CDH13: variants seen among roughly 807,000 people sequenced by gnomAD.
CDH13 encodes cadherin-13.
Under a neutral mutation model 63.8 loss-of-function variants are expected in CDH13, and 24 were observed. The observed-to-expected ratio is 0.38, with a 90% confidence interval of 0.27 to 0.53. CDH13 has a LOEUF of 0.53. CDH13 is among the 20% of genes least tolerant of loss of function. The probability of loss-of-function intolerance (pLI) is 0.85; values close to 1 mark genes in which losing one functional copy is unlikely to be tolerated. For synonymous variants in CDH13, 503 were observed against 355.3 expected, an observed-to-expected ratio of 1.42 and a Z score of -4.67; for missense variants, 1,049 against 903.1, an observed-to-expected ratio of 1.16 and a Z score of -2.07.
rs116709407 is a variant in CDH13 at position 82,636,436 on chromosome 16, G to A, written c.45+9299G>A. Among the ~76,000 whole-genome samples the A allele has an allele frequency of 6.7e-4, 102 of 152,264 alleles. 1 individual carries two copies. Among genetic ancestry groups the A allele is most frequent in the African/African-American group, 2.4e-3 (99 of 41,564 alleles). On this transcript the variant is annotated intron_variant, in intron 1 of 13. Coordinates refer to ENST00000567109, the MANE Select transcript of CDH13 (RefSeq NM_001257.5). ...AATGCCCTTGAATAAAGTGACCGAC[G>A]TGCAGCCTGTACAATTAACCAATCT...
At chr16:82,890,510 T>A (rs997070118) in intron 2 of CDH13, among the ~76,000 whole-genome samples, 12 of 152,212 alleles carry the variant, frequency 7.9e-5, no homozygotes, top group African/African-American at 2.9e-4. Context: ...TATGGAGTCA[T>A]CAACAGATGA....
chr16:83,499,111 G>A lies in CDH13; in HGVS notation c.960+12456G>A, dbSNP rs910865270. The stretch of plus-strand genomic sequence containing the variant: ...GGTTTTTGTTGGATCTTTGTTTAAA[G>A]CACCAAATGAAATGGCCAACCAGTG... On this transcript the variant is annotated intron_variant, in intron 7 of 13. Coordinates refer to ENST00000567109, the MANE Select transcript of CDH13 (RefSeq NM_001257.5). 1.4e-4 allele frequency among the ~76,000 whole-genome samples: 22 copies of A among 152,294 alleles called. No individual in the cohort carries two copies. The South Asian group carries it at 2.7e-3, about 19-fold the overall frequency.
At chr16:83,712,529 C>G (rs986035766) in intron 10 of CDH13, among the ~76,000 whole-genome samples, 1 of 152,224 alleles carries the variant, frequency 6.6e-6, no homozygotes, top group African/African-American at 2.4e-5. Flanking sequence ...ATGCTCTGCG[C>G]CCTGCATTTG....
At chr16:82,823,642 A>C (rs761502148) in intron 1 of CDH13, 2 of 152,202 alleles carry the variant, frequency 1.3e-5, no homozygotes, top group Non-Finnish European at 2.9e-5. Flanking sequence ...GGGAAATCTT[A>C]AAGTATTTTC....
intron 5 of CDH13, among the ~76,000 whole-genome samples, chr16:83,227,379 G>C (rs928769566): frequency 2.6e-5 from 4 of 152,164 alleles, no homozygotes; most frequent in African/African-American, 9.7e-5. Context: ...CATTGATCAG[G>C]GGGCCCTTGT....
intron 5 of CDH13, among the ~76,000 whole-genome samples, chr16:83,255,522 G>T (rs1906153553): frequency 6.6e-6 from 1 of 152,154 alleles, no homozygotes; most frequent in Non-Finnish European, 1.5e-5. Context: ...TAAAGAATGG[G>T]CTACGTGTCC....
chr16:83,214,641 C>T (rs1007486685), intron 4 of CDH13, among the ~76,000 whole-genome samples: 3 of 143,420 alleles, frequency 2.1e-5, no homozygotes, highest in Non-Finnish European at 4.6e-5. Flanking sequence ...GATAGAGATA[C>T]CATTCTTACC....
chr16:82,984,333 A>G (rs1375413991), intron 2 of CDH13, among the ~76,000 whole-genome samples: 2 of 152,202 alleles, frequency 1.3e-5, no homozygotes, highest in Non-Finnish European at 2.9e-5. Context: ...GTGTTGTGCT[A>G]TCAGAAGTTG....
At chr16:83,588,891 G>A (rs1028414564) in intron 7 of CDH13, among the ~76,000 whole-genome samples, 2 of 152,226 alleles carry the variant, frequency 1.3e-5, no homozygotes, top group African/African-American at 4.8e-5. Flanking sequence ...GTGGAGCCAG[G>A]AGGCTGCTGG....
At chr16:82,899,013 A>G (rs1008509106) in intron 2 of CDH13, among the ~76,000 whole-genome samples, 2 of 152,216 alleles carry the variant, frequency 1.3e-5, no homozygotes, top group African/African-American at 4.8e-5. Flanking sequence ...CAGCATTCAG[A>G]CTGTCCCCCA....
intron 6 of CDH13, among the ~76,000 whole-genome samples, chr16:83,374,319 C>T (rs934468839): frequency 6.6e-6 from 1 of 152,150 alleles, no homozygotes; most frequent in Admixed American, 6.5e-5. Context: ...AACCATGTGA[C>T]CCTCAAGAAG....
At chr16:83,138,641 A>G (rs2036400339) in intron 4 of CDH13, among the ~76,000 whole-genome samples, 1 of 152,192 alleles carries the variant, frequency 6.6e-6, no homozygotes, top group African/African-American at 2.4e-5. Flanking sequence ...TGTAAAAACT[A>G]CTGTATGGAA....
chr16:82,875,789 G>A (rs1318049609), intron 2 of CDH13, among the ~76,000 whole-genome samples: 1 of 152,202 alleles, frequency 6.6e-6, no homozygotes, highest in African/African-American at 2.4e-5. Context: ...TAGTAAAGGA[G>A]TGTTAGAATA....
intron 10 of CDH13, among the ~76,000 whole-genome samples, chr16:83,736,341 A>G (rs1911537478): frequency 6.6e-6 from 1 of 152,190 alleles, no homozygotes; most frequent in African/African-American, 2.4e-5. Context: ...TTAATATGGT[A>G]ACTAAATATG....
At chr16:82,853,504 G>C (rs1343803635) in intron 1 of CDH13, among the ~76,000 whole-genome samples, 3 of 152,050 alleles carry the variant, frequency 2.0e-5, no homozygotes, top group African/African-American at 7.2e-5. Context: ...CCTCATAACG[G>C]GTGAGATACC....
At chr16:83,289,172 C>G (rs150820791) in intron 5 of CDH13, among the ~76,000 whole-genome samples, 30 of 151,810 alleles carry the variant, frequency 2.0e-4, no homozygotes, top group African/African-American at 7.1e-4. Context: ...AGGAAGAATT[C>G]ACTGTCTGCA....
chr16:83,493,294 G>A lies in CDH13; in HGVS notation c.960+6639G>A, dbSNP rs189311056. Among the ~76,000 whole-genome samples, 1,402 of 152,280 alleles carry A rather than the reference G, an allele frequency of 9.2e-3. 17 individuals carry two copies. The highest frequency in any genetic ancestry group is 0.011 in the Non-Finnish European group (762 of 68,028). ...ACGTACATTTACACTTTGCCCACAC[G>A]GCAGAGACTATGGCAAGTTTCTTTA... On this transcript the variant is annotated intron_variant, in intron 7 of 13. Coordinates refer to ENST00000567109, the MANE Select transcript of CDH13 (RefSeq NM_001257.5).
At chr16:83,303,988 C>G (rs548557681) in intron 5 of CDH13, among the ~76,000 whole-genome samples, 1 of 152,220 alleles carries the variant, frequency 6.6e-6, no homozygotes, top group East Asian at 1.9e-4. Flanking sequence ...TGGGCTTTTT[C>G]TAGTCTCTAT....
chr16:83,692,317 C>A (rs1413665058), intron 10 of CDH13, among the ~76,000 whole-genome samples: 3 of 152,170 alleles, frequency 2.0e-5, no homozygotes, highest in East Asian at 1.9e-4. Flanking sequence ...TCTCCATGGA[C>A]TCAAGGTTGC....
Sources: gnomAD v4.1 joint callset for allele counts (sites outside exome capture counted in the v4.1 genomes callset) on GRCh38, gnomAD v4.1.1 for gene constraint, MANE v1.5 for transcripts, NCBI Gene and HGNC (gene_info 2026-07-23, HGNC 2026-07-21) for gene names.